NCAN: variants seen among roughly 807,000 people sequenced by gnomAD.
NCAN encodes the protein neurocan.
Under a neutral mutation model 121.8 loss-of-function variants are expected in NCAN, and 47 were observed. That is an observed-to-expected ratio of 0.39 (90% confidence interval 0.31 to 0.49). The LOEUF is 0.49. Ranked by LOEUF, NCAN falls within the 20% of genes least tolerant of loss-of-function variation. The pLI, the probability that NCAN is intolerant of heterozygous loss-of-function variation, is 0.92. For synonymous variants in NCAN, 633 were observed against 702.0 expected (o/e 0.90, Z 1.55); for missense variants, 1,517 against 1,773.4 (o/e 0.86, Z 2.60).
At chr19:19,238,209 G>A (rs780374791) in intron 10 of NCAN, 44 bp from the exon 11 acceptor site, 2 of 1,611,962 alleles carry the variant, frequency 1.2e-6, no homozygotes, top group African/African-American at 1.3e-5. Flanking sequence ...GGTAGGCCTT[G>A]GGCCAAGGCC....
chr19:19,246,636 C>T lies in NCAN; in HGVS notation c.3637+1179C>T, dbSNP rs578010195. Among the ~76,000 whole-genome samples, 10 of 151,356 alleles carry T rather than the reference C, an allele frequency of 6.6e-5. No homozygotes were observed. In the South Asian group the frequency reaches 8.4e-4, roughly 13 times the overall value. ...GCAACCTCCGCCTCTGAGGTTCAAGCGATTCTCCTGCCTCAGCCTCCCGAG... is the reference window on the plus strand; with the variant it reads ...GCAACCTCCGCCTCTGAGGTTCAAGTGATTCTCCTGCCTCAGCCTCCCGAG... On this transcript the variant is annotated intron_variant, in intron 13 of 14. Coordinates refer to ENST00000252575, the MANE Select transcript of NCAN (RefSeq NM_004386.3).
chr19:19,226,505 A>G lies in NCAN; in HGVS notation c.1092A>G (p.Gln364=). Residue 364 remains glutamine (Q), a synonymous_variant, in exon 7 of 15, where the codon CAA becomes CAG. Transcript: ENST00000252575. ...YCFRAHHPTS[Q]HGDLETPSSG... ...CCACAGCTCATCACCCCACGTCACA[A>G]CATGGAGACCTAGAGACCCCATCCT... The G allele has an allele frequency of 1.3e-6, 2 of 1,593,818 alleles. No homozygotes were observed. The highest frequency in any genetic ancestry group is 1.7e-6 in the Non-Finnish European group (2 of 1,166,242).
At chr19:19,242,360 G>C (rs1392082717) in intron 12 of NCAN, among the ~76,000 whole-genome samples, 1 of 152,084 alleles carries the variant, frequency 6.6e-6, no homozygotes, top group Admixed American at 6.6e-5. Flanking sequence ...CTGCACTCCA[G>C]CCTGGGTGAC....
In NCAN at chr19:19,227,809, T is replaced by A. The variant is rs1568597610; in HGVS notation, c.2189T>A (p.Val730Glu). 1 of 1,613,656 alleles carries A rather than the reference T, an allele frequency of 6.2e-7. No homozygotes were observed. Residue 730 changes from valine (V) to glutamate (E), a missense_variant, in exon 8 of 15, where the codon GTA (valine) becomes GAA (glutamate). Physicochemically the swap from Val to Glu is moderately radical, Grantham distance 121 (BLOSUM62 -2). Transcript: ENST00000252575. This position sits in a 1 kb window ranked among gnomAD's most constrained non-coding sequence, Gnocchi z 4.2. ...EHSSSSPWPS[V>E]NRNVAVGFVP... The stretch of plus-strand genomic sequence containing the variant: ...TCCAGCTCCAGCCCATGGCCTTCTG[T>A]AAACAGGAATGTGGCTGTAGGTTTT...
Position 19,224,260 on chromosome 19 carries a change from C to A in NCAN, c.651-46C>A, listed in dbSNP as rs1404448650. ...CATGGGGAAGGAGGTTCCTTGGGGG[C>A]TCCAGGAGCACACATCTGAGAGGGA... is the stretch of plus-strand genomic sequence containing the variant. On this transcript the variant is annotated intron_variant, in intron 4 of 14. Coordinates refer to ENST00000252575, the MANE Select transcript of NCAN (RefSeq NM_004386.3). 2.5e-6 allele frequency: 4 copies of A among 1,598,638 alleles called. No homozygotes were observed. The South Asian group carries it at 3.3e-5, about 13-fold the overall frequency.
At chr19:19,237,501 ATT>A (rs549740164) in intron 10 of NCAN, among the ~76,000 whole-genome samples, 1 of 148,794 alleles carries the variant, frequency 6.7e-6, no homozygotes, top group African/African-American at 2.5e-5. Context: ...AAAAAAAAAA[ATT>A]TTATATATAT....
At chr19:19,236,418 T>C (rs1442583039) in intron 10 of NCAN, among the ~76,000 whole-genome samples, 3 of 152,198 alleles carry the variant, frequency 2.0e-5, no homozygotes, top group Non-Finnish European at 2.9e-5. Context: ...CCATTCATGG[T>C]TTGATGGATA....
intron 8 of NCAN, among the ~76,000 whole-genome samples, chr19:19,229,366 G>A (rs1043779852): frequency 3.9e-5 from 6 of 152,230 alleles, no homozygotes; most frequent in Non-Finnish European, 7.3e-5. Context: ...GGAAGACAGA[G>A]CAGGACACAG....
chr19:19,252,086 G>T lies in NCAN; in HGVS notation c.*2175G>T, dbSNP rs2060948514. 6.5e-6 allele frequency: 1 copy of T among 152,828 alleles called. No homozygotes were observed. Among genetic ancestry groups the T allele is most frequent in the African/African-American group, 2.4e-5 (1 of 41,460 alleles). The allele number at this position is 152,828 out of a possible 1,614,324, so 9.5% of individuals were successfully genotyped here. ...GTGTGTCTGCGTGTGCCATGTGCGT[G>T]GCACGCATATGAGTGTGTGTGCGTG... On this transcript the variant is annotated 3_prime_UTR_variant, in exon 15 of 15. Coordinates refer to ENST00000252575, the MANE Select transcript of NCAN (RefSeq NM_004386.3).
chr19:19,226,563 G>T lies in NCAN; in HGVS notation c.1150G>T (p.Gly384Trp). The T allele has an allele frequency of 6.2e-7, 1 of 1,613,608 alleles. No homozygotes were observed. The highest frequency in any genetic ancestry group is 8.5e-7 in the Non-Finnish European group (1 of 1,179,730). The change falls in exon 7 of 15, where the codon GGG becomes TGG. Residue 384 changes from glycine to tryptophan, a missense_variant. Physicochemically the swap from Gly to Trp is radical, Grantham distance 184 (BLOSUM62 -2). Coordinates refer to ENST00000252575, the MANE Select transcript of NCAN (RefSeq NM_004386.3). The part of the protein sequence containing the change: ...GDEGEILSAE[G>W]PPVRELEPTL... ...TGAGGGGGAGATTCTGTCAGCAGAG[G>T]GGCCCCCAGTTAGAGAACTGGAGCC...
At chr19:19,220,264 T>C (rs1354305951) in intron 3 of NCAN, among the ~76,000 whole-genome samples, 1 of 151,544 alleles carries the variant, frequency 6.6e-6, no homozygotes, top group Non-Finnish European at 1.5e-5. Context: ...GGAGTCAATT[T>C]TATGGTTATC....
intron 8 of NCAN, among the ~76,000 whole-genome samples, chr19:19,231,603 C>T (rs1263284781): frequency 6.6e-6 from 1 of 152,096 alleles, no homozygotes; most frequent in Non-Finnish European, 1.5e-5. Context: ...GCTGGGATTA[C>T]AGGCGTGAGC....
chr19:19,223,019 G>A (rs1447512009), intron 3 of NCAN, among the ~76,000 whole-genome samples: 4 of 152,182 alleles, frequency 2.6e-5, no homozygotes, highest in African/African-American at 9.7e-5. Flanking sequence ...TGAGGCAGGA[G>A]AATGGTGTGA....
intron 8 of NCAN, among the ~76,000 whole-genome samples, chr19:19,229,392 GACCA>G (rs2060850147): frequency 6.6e-6 from 1 of 152,170 alleles, no homozygotes; most frequent in Admixed American, 6.5e-5. Context: ...TCCCAGGCGA[GACCA>G]GAGGGAGGAG....
At chr19:19,247,129 C>T (rs1280022479) in intron 13 of NCAN, among the ~76,000 whole-genome samples, 1 of 152,102 alleles carries the variant, frequency 6.6e-6, no homozygotes, top group Non-Finnish European at 1.5e-5. Flanking sequence ...GTTGCCCAGG[C>T]TGGAGTACAG....
intron 3 of NCAN, among the ~76,000 whole-genome samples, chr19:19,220,997 C>A (rs1484651372): frequency 3.9e-5 from 6 of 151,924 alleles, no homozygotes; most frequent in African/African-American, 1.2e-4. Context: ...CTTTGGGAGA[C>A]CAAGGCAGGA....
intron 1 of NCAN, among the ~76,000 whole-genome samples, chr19:19,213,116 GC>G (rs1396794572): frequency 6.6e-6 from 1 of 152,148 alleles, no homozygotes; most frequent in Non-Finnish European, 1.5e-5. Flanking sequence ...TTGGCTCTGG[GC>G]CCCAGCGGGG....
chr19:19,250,125 G>A lies in NCAN; in HGVS notation c.*214G>A, dbSNP rs2146563461. ...GCAGGTGGAGCCAGGTGTCTGAAAA[G>A]TTCATTCTCGTCTGGCTGAACTCTG... On this transcript the variant is annotated 3_prime_UTR_variant, in exon 15 of 15. Coordinates refer to ENST00000252575, the MANE Select transcript of NCAN (RefSeq NM_004386.3). 1.4e-6 allele frequency: 1 copy of A among 695,036 alleles called. No homozygotes were observed. The highest frequency in any genetic ancestry group is 1.5e-5 in the South Asian group (1 of 66,800). The allele number at this position is 695,036 out of a possible 1,614,324, so 43.1% of individuals were successfully genotyped here. A position where few individuals can be genotyped will look rare whatever the true frequency, so the allele number is the denominator to read the frequency against.
rs922663440 is a variant in NCAN, at chr19:19,225,049, G to A, written c.851G>A (p.Gly284Asp). Residue 284 changes from glycine to aspartate, a missense_variant, in exon 6 of 15, where the codon GGT becomes GAT. By Grantham distance (94) the Gly-to-Asp change is moderately conservative. Coordinates refer to ENST00000252575, the MANE Select transcript of NCAN (RefSeq NM_004386.3). The surrounding 1 kb of genome is among the most constrained non-coding windows in gnomAD (Gnocchi z 4.0). ...GCGCGTGCACAGTGCCGCCGCCAGG[G>A]TGCCGCGCTGGCCTCGGTGGGACAG... ...AGARAQCRRQ[G>D]AALASVGQLH... is the part of the protein sequence containing the mutation. The A allele has an allele frequency of 2.6e-6, 4 of 1,510,634 alleles. No homozygotes were observed. The highest frequency in any genetic ancestry group is 3.5e-6 in the Non-Finnish European group (4 of 1,137,332). 93.6% of individuals were successfully genotyped at this position (1,510,634 alleles called of 1,614,324 possible).
Sources: allele counts gnomAD v4.1 joint callset (sites outside exome capture counted in the v4.1 genomes callset), GRCh38; gene constraint gnomAD v4.1.1; non-coding constraint Gnocchi (gnomAD v3.1); transcripts MANE v1.5; gene names NCBI Gene and HGNC (gene_info 2026-07-23, HGNC 2026-07-21).